Variants in KIAA1671 observed in about 807,000 individuals in gnomAD.
The protein encoded by KIAA1671 is KIAA1671.
In KIAA1671, 52 loss-of-function variants were observed where a neutral mutation model predicts 131.2. That is an observed-to-expected ratio of 0.40 (90% CI 0.32 to 0.50). The LOEUF is 0.50. Among genes scored for constraint, KIAA1671 ranks in the 20% least tolerant of loss-of-function variants. KIAA1671 has a pLI of 0.73. For synonymous variants in KIAA1671, 1,003 were observed against 961.6 expected, an observed-to-expected ratio of 1.04 and a Z score of -0.80; for missense variants, 2,360 against 2,364.2, an observed-to-expected ratio of 1.00 and a Z score of 0.04.
intron 5 of KIAA1671, 141 bp from the exon 6 acceptor site, chr22:25,049,089 A>G (rs1927394266): frequency 9.6e-7 from 1 of 1,045,218 alleles, no homozygotes; most frequent in Non-Finnish European, 1.4e-6. Flanking sequence ...GTTACCTCTG[A>G]TCATTAAAGT....
chr22:25,135,811 A>G (rs1371638759), intron 6 of KIAA1671, among the ~76,000 whole-genome samples: 1 of 152,242 alleles, frequency 6.6e-6, no homozygotes, highest in Non-Finnish European at 1.5e-5. Context: ...GACAGCAGCC[A>G]CGTCACGACA....
intron 1 of KIAA1671, among the ~76,000 whole-genome samples, chr22:24,979,334 T>A (rs1014372462): frequency 4.9e-5 from 7 of 142,656 alleles, no homozygotes; most frequent in African/African-American, 1.6e-4. Context: ...TAATAATTTA[T>A]TTTATTTATT....
chr22:25,122,700 T>C (rs1332187103), intron 6 of KIAA1671, among the ~76,000 whole-genome samples: 3 of 152,168 alleles, frequency 2.0e-5, no homozygotes, highest in Non-Finnish European at 4.4e-5. Context: ...ATTGGCCGGT[T>C]GCAGTGGCTC....
chr22:25,093,824 T>A (rs28619901), intron 6 of KIAA1671, among the ~76,000 whole-genome samples: 5 of 21,944 alleles, frequency 2.3e-4, no homozygotes, highest in South Asian at 1.7e-3. Flanking sequence ...CTCTCTCTCT[T>A]TCTCTCTCTG....
chr22:25,106,844 G>C (rs1368794263), intron 6 of KIAA1671, among the ~76,000 whole-genome samples: 2 of 152,200 alleles, frequency 1.3e-5, no homozygotes, highest in East Asian at 3.8e-4. Context: ...GCACTGCACT[G>C]AGCAAGTCCC....
rs1218964516 is a variant in KIAA1671, at chr22:25,028,389, C to T, written c.390C>T (p.Leu130=). ...SGEGPRTSSP[L]FNKAVFLRPS... Reference sequence around the variant, plus strand: ...AGGGCCCGAGGACGAGCTCGCCCCTCTTCAACAAGGCTGTGTTCCTGCGGC... The same window carrying T: ...AGGGCCCGAGGACGAGCTCGCCCCTTTTCAACAAGGCTGTGTTCCTGCGGC... Residue 130 remains leucine, a synonymous_variant, in exon 3 of 13, where the codon CTC becomes CTT. Transcript: ENST00000358431. 3.0e-5 allele frequency: 47 copies of T among 1,550,946 alleles called. No homozygotes were observed. The highest frequency in any genetic ancestry group is 3.8e-5 in the Non-Finnish European group (44 of 1,146,882).
chr22:25,038,661 T>G (rs1926743407), intron 4 of KIAA1671, 99 bp from the exon 5 acceptor site: 1 of 1,240,778 alleles, frequency 8.1e-7, no homozygotes, highest in South Asian at 1.6e-5. Context: ...TTTCATTGTT[T>G]TAATTATACA....
intron 1 of KIAA1671, among the ~76,000 whole-genome samples, chr22:24,979,750 A>C (rs1338518367): frequency 1.3e-5 from 2 of 152,054 alleles, no homozygotes; most frequent in Admixed American, 6.6e-5. Context: ...GTCCTCCCAG[A>C]CTGAAACTCT....
Position 25,028,743 on chromosome 22 carries a change from G to C in KIAA1671, c.744G>C (p.Thr248=), listed in dbSNP as rs1926103831. ...LKRRPVSAIF[T]ESIQPQKPGP... Reference sequence around the variant, plus strand: ...GAAGGCCCGTGTCTGCCATTTTCACGGAGTCCATTCAGCCTCAGAAGCCAG... The same window carrying C: ...GAAGGCCCGTGTCTGCCATTTTCACCGAGTCCATTCAGCCTCAGAAGCCAG... The change falls in exon 3 of 13, where the codon ACG becomes ACC. Residue 248 remains threonine, a synonymous_variant. Coordinates refer to ENST00000358431, the MANE Select transcript of KIAA1671 (RefSeq NM_001145206.2). 6.4e-7 allele frequency: 1 copy of C among 1,551,264 alleles called. No individual in the cohort carries two copies. The highest frequency in any genetic ancestry group is 1.4e-5 in the African/African-American group (1 of 73,188).
intron 1 of KIAA1671, among the ~76,000 whole-genome samples, chr22:24,996,035 A>G (rs1924116523): frequency 6.6e-6 from 1 of 152,250 alleles, no homozygotes; most frequent in African/African-American, 2.4e-5. Context: ...TAAAATTGGC[A>G]TCTGGGAGAA....
At chr22:25,172,228 C>T (rs1933874359) in intron 7 of KIAA1671, among the ~76,000 whole-genome samples, 1 of 152,132 alleles carries the variant, frequency 6.6e-6, no homozygotes, top group East Asian at 1.9e-4. Flanking sequence ...CTCGGGGTCT[C>T]CATTCCCCAG....
chr22:25,118,803 C>G (rs1244775629), intron 6 of KIAA1671, among the ~76,000 whole-genome samples: 2 of 152,154 alleles, frequency 1.3e-5, no homozygotes, highest in African/African-American at 4.8e-5. Flanking sequence ...TATGCTCACT[C>G]TGACCTTGCC....
intron 6 of KIAA1671, chr22:25,055,381 A>G (rs1304547571): frequency 1.3e-5 from 2 of 149,830 alleles, no homozygotes; most frequent in African/African-American, 4.9e-5. Context: ...AAAATGAAAG[A>G]CCACACAAGG....
Position 25,041,475 on chromosome 22 carries a change from G to A in KIAA1671, c.4345G>A (p.Ala1449Thr). Residue 1449 changes from alanine to threonine, a missense_variant, in exon 5 of 13, where the codon GCC (alanine) becomes ACC (threonine). Physicochemically the swap from Ala to Thr is moderately conservative, Grantham distance 58. Around this residue, in one of 3 missense-constraint regions of KIAA1671, gnomAD observed 1,161 missense variants for 1,204.7 expected, o/e 0.96. Coordinates refer to ENST00000358431, the MANE Select transcript of KIAA1671 (RefSeq NM_001145206.2). ...RPSLTGENLE[A>T]KMGPCWWESG... ...CAGCCTTACTGGAGAGAATTTGGAG[G>A]CCAAAATGGGACCCTGTTGGTGGGA... 4 of 1,551,254 alleles carry A rather than the reference G, an allele frequency of 2.6e-6. No homozygotes were observed. The highest frequency in any genetic ancestry group is 3.5e-6 in the Non-Finnish European group (4 of 1,146,872).
chr22:25,135,859 G>T (rs941133541), intron 6 of KIAA1671, among the ~76,000 whole-genome samples: 2 of 152,196 alleles, frequency 1.3e-5, no homozygotes, highest in Non-Finnish European at 2.9e-5. Context: ...TGCATTGAGC[G>T]CTTACCATGT....
chr22:25,093,071 C>T (rs1030209095), intron 6 of KIAA1671, among the ~76,000 whole-genome samples: 3 of 152,190 alleles, frequency 2.0e-5, no homozygotes, highest in Non-Finnish European at 4.4e-5. Flanking sequence ...GTCCAGCCGG[C>T]AAGTGACTAT....
At chr22:24,954,949 T>A (rs1451022413) in intron 1 of KIAA1671, among the ~76,000 whole-genome samples, 1 of 152,034 alleles carries the variant, frequency 6.6e-6, no homozygotes, top group Non-Finnish European at 1.5e-5. Context: ...CCCGGCTAAT[T>A]TTTGTATTTT....
intron 6 of KIAA1671, among the ~76,000 whole-genome samples, chr22:25,114,023 C>A (rs1317670231): frequency 1.3e-5 from 2 of 152,190 alleles, no homozygotes; most frequent in African/African-American, 4.8e-5. Flanking sequence ...TGGCATGAAT[C>A]CCCTAGGCGT....
intron 6 of KIAA1671, among the ~76,000 whole-genome samples, chr22:25,154,617 G>A (rs1429513080): frequency 6.6e-6 from 1 of 152,226 alleles, no homozygotes; most frequent in African/African-American, 2.4e-5. Flanking sequence ...GAAGGAAACA[G>A]AGCCCTTGGC....
Sources: gnomAD v4.1 joint callset for allele counts (sites outside exome capture counted in the v4.1 genomes callset) on GRCh38, gnomAD v4.1.1 for gene constraint, gnomAD v4.1.1 regional missense constraint, MANE v1.5 for transcripts, NCBI Gene and HGNC (gene_info 2026-07-23, HGNC 2026-07-21) for gene names.